The following GRIK2 variants were observed in gnomAD, a reference collection of about 807,000 sequenced individuals.
The protein encoded by GRIK2 is glutamate ionotropic receptor kainate type subunit 2, also known as glutamate receptor ionotropic, kainate 2.
GRIK2 carries 32 observed loss-of-function variants against 100.3 expected under a neutral mutation model. The ratio of observed to expected loss-of-function variants is 0.32; its 90% confidence interval spans 0.24 to 0.43. The LOEUF (loss-of-function observed/expected upper bound fraction) is 0.43, where lower values mean the gene tolerates loss of function less well. GRIK2 is among the 20% of genes least tolerant of loss of function. The pLI, the probability that GRIK2 is intolerant of heterozygous loss-of-function variation, is 1.00. For missense variants in GRIK2, 843 were observed against 1,114.9 expected (o/e 0.76, Z 3.47); for synonymous variants, 417 against 389.4 (o/e 1.07, Z -0.83).
intron 2 of GRIK2, among the ~76,000 whole-genome samples, chr6:101,461,474 C>T (rs1298304669): frequency 6.6e-6 from 1 of 152,154 alleles, no homozygotes; most frequent in African/African-American, 2.4e-5. Context: ...GGCCCACTTC[C>T]TCTATCTTCA....
At chr6:101,829,168 C>T (rs1241362147) in intron 10 of GRIK2, among the ~76,000 whole-genome samples, 1 of 151,952 alleles carries the variant, frequency 6.6e-6, no homozygotes. Context: ...AACATATGGT[C>T]ATCTGAATAG....
At chr6:101,513,542 A>G (rs960188774) in intron 2 of GRIK2, among the ~76,000 whole-genome samples, 3 of 152,218 alleles carry the variant, frequency 2.0e-5, no homozygotes, top group African/African-American at 7.2e-5. Flanking sequence ...ATTTCAAAAT[A>G]TGGCTAAGAA....
At position 102,004,985 on chromosome 6, in the gene GRIK2, CAGG is replaced by C. The variant is rs1043981813; in HGVS notation, c.2086-30353_2086-30351del. ...AATATTTTTTAATTTGTGTAGGTGG[CAGG>C]AGAACAGTAGCCTATATTTATTAAT... On this transcript the variant is annotated intron_variant, in intron 14 of 16. Transcript: ENST00000369134. Among the ~76,000 whole-genome samples, 15 of 151,582 alleles carry C rather than the reference CAGG, an allele frequency of 9.9e-5. No individual in the cohort carries two copies. In the East Asian group the frequency reaches 2.7e-3, roughly 27 times the overall value.
intron 7 of GRIK2, among the ~76,000 whole-genome samples, chr6:101,698,885 T>C (rs1403098910): frequency 2.0e-5 from 3 of 152,110 alleles, no homozygotes; most frequent in Non-Finnish European, 2.9e-5. Flanking sequence ...TAACTATAAC[T>C]TTACATAAAG....
chr6:101,961,276 A>G (rs959688381), intron 14 of GRIK2, among the ~76,000 whole-genome samples: 2 of 152,120 alleles, frequency 1.3e-5, no homozygotes, highest in African/African-American at 2.4e-5. Flanking sequence ...CTCAACCCCA[A>G]ACAGACAGCT....
chr6:101,743,526 T>C (rs1776180388), intron 7 of GRIK2, among the ~76,000 whole-genome samples: 1 of 152,194 alleles, frequency 6.6e-6, no homozygotes, highest in South Asian at 2.1e-4. Context: ...AATGCTTCTT[T>C]ATCTTGGCCT....
At chr6:102,026,113 TA>T (rs1383930398) in intron 14 of GRIK2, among the ~76,000 whole-genome samples, 2 of 7,926 alleles carry the variant, frequency 2.5e-4, no homozygotes, top group African/African-American at 1.2e-3. Context: ...TACACTTACA[TA>T]TATATATATA....
intron 16 of GRIK2, among the ~76,000 whole-genome samples, chr6:102,066,421 A>G (rs1582815348): frequency 6.6e-6 from 1 of 151,636 alleles, no homozygotes; most frequent in South Asian, 2.1e-4. Flanking sequence ...CTGGCAGGCC[A>G]GACAGAAAAA....
intron 15 of GRIK2, among the ~76,000 whole-genome samples, chr6:102,037,476 C>G (rs1200687782): frequency 6.6e-6 from 1 of 151,214 alleles, no homozygotes; most frequent in African/African-American, 2.4e-5. Flanking sequence ...TTTTAGACTT[C>G]CCAGTGCATA....
At chr6:101,435,462 C>A (rs1218038999) in intron 2 of GRIK2, among the ~76,000 whole-genome samples, 2 of 151,820 alleles carry the variant, frequency 1.3e-5, no homozygotes, top group African/African-American at 4.8e-5. Flanking sequence ...ACCCCCTTCC[C>A]CTCAATCCCC....
chr6:101,592,470 A>G (rs537969424), intron 2 of GRIK2, among the ~76,000 whole-genome samples: 1 of 150,990 alleles, frequency 6.6e-6, no homozygotes, highest in African/African-American at 2.4e-5. Context: ...TTGGTAAAAA[A>G]CTTCAGCTGA....
At chr6:101,590,145 T>A (rs1236131601) in intron 2 of GRIK2, among the ~76,000 whole-genome samples, 1 of 152,098 alleles carries the variant, frequency 6.6e-6, no homozygotes, top group African/African-American at 2.4e-5. Context: ...TTTGTTATTG[T>A]TGTTTATAAT....
At chr6:101,796,428 A>G (rs886734906) in intron 7 of GRIK2, among the ~76,000 whole-genome samples, 2 of 152,238 alleles carry the variant, frequency 1.3e-5, no homozygotes, top group African/African-American at 4.8e-5. Flanking sequence ...TAGAATTTTC[A>G]CACGGTTTTT....
intron 14 of GRIK2, among the ~76,000 whole-genome samples, chr6:102,003,452 C>A (rs534706967): frequency 3.3e-4 from 50 of 151,782 alleles, no homozygotes; most frequent in African/African-American, 1.1e-3. Context: ...ATATAAATTT[C>A]TTGATTGTAA....
chr6:101,796,145 G>A (rs949732163), intron 7 of GRIK2, among the ~76,000 whole-genome samples: 1 of 152,144 alleles, frequency 6.6e-6, no homozygotes, highest in East Asian at 1.9e-4. Flanking sequence ...CCAGCTCTAC[G>A]TCTATATGCT....
At chr6:101,784,059 G>C (rs9784898) in intron 7 of GRIK2, among the ~76,000 whole-genome samples, 10 of 152,330 alleles carry the variant, frequency 6.6e-5, no homozygotes, top group African/African-American at 2.2e-4. Context: ...AGGAATTCAA[G>C]CCAGCTGCAG....
At chr6:102,010,681 C>G (rs1229972107) in intron 14 of GRIK2, among the ~76,000 whole-genome samples, 2 of 151,896 alleles carry the variant, frequency 1.3e-5, no homozygotes, top group African/African-American at 4.8e-5. Flanking sequence ...CTGCACCGGG[C>G]CCCCTCCCTT....
intron 2 of GRIK2, among the ~76,000 whole-genome samples, chr6:101,400,567 A>C (rs1385136743): frequency 6.6e-6 from 1 of 152,200 alleles, no homozygotes; most frequent in African/African-American, 2.4e-5. Flanking sequence ...TTTGAGATAA[A>C]AGCAGACACA....
At chr6:101,546,829 TTTTTTTTTTTTTTTTTTTG>T (rs1235707087) in intron 2 of GRIK2, among the ~76,000 whole-genome samples, 2 of 89,696 alleles carry the variant, frequency 2.2e-5, no homozygotes, top group Admixed American at 1.0e-4. Context: ...CTTTTTTTTT[TTTTTTTTTTTTTTTTTTTG>T]GAGACGGAGT....
Sources: gnomAD v4.1 joint callset for allele counts (sites outside exome capture counted in the v4.1 genomes callset) on GRCh38, gnomAD v4.1.1 for gene constraint, MANE v1.5 for transcripts, NCBI Gene and HGNC (gene_info 2026-07-23, HGNC 2026-07-21) for gene names.